OR1I1: variants seen among roughly 807,000 people sequenced by gnomAD.
OR1I1 encodes olfactory receptor 1I1.
For synonymous variants in OR1I1, 171 were observed against 181.4 expected (o/e 0.94, Z 0.46); for missense variants, 451 against 443.6 (o/e 1.02, Z -0.15).
chr19:15,085,151 T>C (rs1403302726), intron 1 of OR1I1, among the ~76,000 whole-genome samples: 1 of 42,744 alleles, frequency 2.3e-5, no homozygotes, highest in Non-Finnish European at 4.9e-5. Context: ...TATATATATA[T>C]ATATATATAT....
rs1393575488 is a variant in OR1I1 at position 15,088,184 on chromosome 19, T to C, written c.*51T>C. 1.3e-6 allele frequency: 2 copies of C among 1,488,798 alleles called. No individual in the cohort carries two copies. The highest frequency in any genetic ancestry group is 1.8e-6 in the Non-Finnish European group (2 of 1,115,102). The allele number at this position is 1,488,798 out of a possible 1,614,324, so 92.2% of individuals were successfully genotyped here. A position where few individuals can be genotyped will look rare whatever the true frequency, so the allele number is the denominator to read the frequency against. ...GTGTCATAAAGAGATGAACAAAGTG[T>C]ATGAGCACCCAAAGGAAAGGTGTGC... is the stretch of plus-strand genomic sequence containing the variant. On this transcript the variant is annotated 3_prime_UTR_variant, in exon 2 of 2. Transcript: ENST00000641398.
Position 15,088,095 on chromosome 19 carries a change from G to T in OR1I1, c.1030G>T (p.Gly344Ter). ...GATGCATCCCATCCCCTACCCTGGA[G>T]GAGTTCAGAGTCTAGCTGGGAACAG... ...TEMHPIPYPG[G>*]VQSLAGNRDM... Residue 344 changes from glycine to a stop codon, truncating the protein, a stop_gained, in exon 2 of 2, where the codon GGA becomes TGA. Coordinates refer to ENST00000641398, the MANE Select transcript of OR1I1 (RefSeq NM_001004713.2). LOFTEE classifies it high-confidence loss of function. The T allele has an allele frequency of 1.9e-6, 3 of 1,560,954 alleles. No homozygotes were observed. Among genetic ancestry groups the T allele is most frequent in the Non-Finnish European group, 2.6e-6 (3 of 1,147,158 alleles).
At position 15,088,149 on chromosome 19, in the gene OR1I1, C is replaced by T. The variant is rs551043979; in HGVS notation, c.*16C>T. The stretch of plus-strand genomic sequence containing the variant: ...CATGGAATAAATCCTTCCAGTACAA[C>T]GTGATAAATGTGTCATAAAGAGATG... On this transcript the variant is annotated 3_prime_UTR_variant, in exon 2 of 2. Transcript: ENST00000641398. 41 of 1,533,786 alleles carry T rather than the reference C, an allele frequency of 2.7e-5. No individual in the cohort carries two copies. The highest frequency in any genetic ancestry group is 9.6e-5 in the African/African-American group (7 of 72,686).
chr19:15,083,085 G>C (rs567331938), intron 1 of OR1I1, among the ~76,000 whole-genome samples: 2 of 152,012 alleles, frequency 1.3e-5, no homozygotes, highest in Non-Finnish European at 2.9e-5. Flanking sequence ...GGGACTAACA[G>C]GTGTGTGCCA....
Position 15,089,096 on chromosome 19 carries a change from ATAGG to A in OR1I1, c.*967_*970del, listed in dbSNP as rs2046246738. ...GGTAGGTAGATAGATAGATAGATAG[ATAGG>A]TAGATACAGACAGCCCATGTATTAG... On this transcript the variant is annotated 3_prime_UTR_variant, in exon 2 of 2. Transcript: ENST00000641398. 1 of 151,570 alleles carries A rather than the reference ATAGG, an allele frequency of 6.6e-6. No individual in the cohort carries two copies. Among genetic ancestry groups the A allele is most frequent in the Non-Finnish European group, 1.5e-5 (1 of 67,882 alleles). 9.4% of individuals were successfully genotyped at this position (151,570 alleles called of 1,614,324 possible). A position where few individuals can be genotyped will look rare whatever the true frequency, so the allele number is the denominator to read the frequency against.
At chr19:15,083,845 G>C (rs10419330) in intron 1 of OR1I1, among the ~76,000 whole-genome samples, 2 of 151,940 alleles carry the variant, frequency 1.3e-5, no homozygotes, top group Non-Finnish European at 2.9e-5. Flanking sequence ...AAAATTAATC[G>C]GGCGTGGTGA....
rs1255910590 is a variant in OR1I1, at chr19:15,087,119, A to G, written c.54A>G (p.Ser18=). 6.2e-7 allele frequency: 1 copy of G among 1,614,082 alleles called. No individual in the cohort carries two copies. Among genetic ancestry groups the G allele is most frequent in the Admixed American group, 1.7e-5 (1 of 59,996 alleles). ...EISEFFLQGL[S]EKPEHQTLLF... is the part of the protein sequence containing the mutation. ...CAGAATTCTTCCTCCAGGGACTCTC[A>G]GAAAAGCCAGAGCATCAGACCCTCC... is the stretch of plus-strand genomic sequence containing the variant. Residue 18 remains serine (S), a synonymous_variant, in exon 2 of 2, where the codon TCA becomes TCG. Transcript: ENST00000641398.
rs1568323046 is a variant in OR1I1, at chr19:15,088,802, T to TAGATAGACAGAC, written c.*676_*677insCAGACAGATAGA. On this transcript the variant is annotated 3_prime_UTR_variant, in exon 2 of 2. Transcript: ENST00000641398. ...ATAGATAGATAGATAGATAGATAGATAGATAGATAGATAGATAGATATACA... is the reference window on the plus strand; with the variant it reads ...ATAGATAGATAGATAGATAGATAGATAGATAGACAGACAGATAGATAGATAGATAGATATACA... The TAGATAGACAGAC allele has an allele frequency of 1.5e-5, 2 of 132,164 alleles. No homozygotes were observed. Among genetic ancestry groups the TAGATAGACAGAC allele is most frequent in the Admixed American group, 1.6e-4 (2 of 12,836 alleles). 8.2% of individuals were successfully genotyped at this position (132,164 alleles called of 1,614,324 possible).
In OR1I1 at chr19:15,091,241, G is replaced by C. The variant is rs1014343711; in HGVS notation, c.*3108G>C. ...TGTGGTTTTGCCACTGAAAGTAACAGCAGGCTGCGCATGGTGGCTCACACC... is the reference window on the plus strand; with the variant it reads ...TGTGGTTTTGCCACTGAAAGTAACACCAGGCTGCGCATGGTGGCTCACACC... On this transcript the variant is annotated 3_prime_UTR_variant, in exon 2 of 2. Coordinates refer to ENST00000641398, the MANE Select transcript of OR1I1 (RefSeq NM_001004713.2). 6.6e-6 allele frequency: 1 copy of C among 152,208 alleles called. No individual in the cohort carries two copies. Among genetic ancestry groups the C allele is most frequent in the African/African-American group, 2.4e-5 (1 of 41,448 alleles). The allele number at this position is 152,208 out of a possible 1,614,324, so 9.4% of individuals were successfully genotyped here. A position where few individuals can be genotyped will look rare whatever the true frequency, so the allele number is the denominator to read the frequency against.
At position 15,092,016 on chromosome 19, in the gene OR1I1, T is replaced by G. The variant is rs1367140053; in HGVS notation, c.*3883T>G. The stretch of plus-strand genomic sequence containing the variant: ...GAACCTTCCCAACCGCCCTAAAAGC[T>G]CTGAAAACTACAGTTAGAGAAGTGG... On this transcript the variant is annotated 3_prime_UTR_variant, in exon 2 of 2. Coordinates refer to ENST00000641398, the MANE Select transcript of OR1I1 (RefSeq NM_001004713.2). 6.8e-6 allele frequency: 1 copy of G among 146,754 alleles called. No individual in the cohort carries two copies. The highest frequency in any genetic ancestry group is 1.5e-5 in the Non-Finnish European group (1 of 67,228). The allele number at this position is 146,754 out of a possible 1,614,324, so 9.1% of individuals were successfully genotyped here. A position where few individuals can be genotyped will look rare whatever the true frequency, so the allele number is the denominator to read the frequency against.
At chr19:15,085,160 ATATATATATATATATATT>A (rs2046224603) in intron 1 of OR1I1, among the ~76,000 whole-genome samples, 1 of 35,840 alleles carries the variant, frequency 2.8e-5, no homozygotes, top group Non-Finnish European at 4.7e-5. Context: ...ATATATATAT[ATATATATATATATATATT>A]TTTTTTTTTG....
At position 15,085,157 on chromosome 19, in the gene OR1I1, TATATATATATATATA is replaced by T. The variant is rs1568321853; in HGVS notation, c.-13-1895_-13-1881del. ...ATATATATATATATATATATATATATATATATATATATATATATATTTTTTTTTTTGAGACAGAGT... is the reference window on the plus strand; with the variant it reads ...ATATATATATATATATATATATATATTATATTTTTTTTTTTGAGACAGAGT... On this transcript the variant is annotated intron_variant, in intron 1 of 1. Transcript: ENST00000641398. Among the ~76,000 whole-genome samples the T allele has an allele frequency of 1.8e-3, 74 of 41,196 alleles. 3 individuals carry two copies. The highest frequency in any genetic ancestry group is 4.6e-3 in the Admixed American group (18 of 3,918). The allele number at this position is 41,196 out of a possible 152,430, so 27.0% of individuals were successfully genotyped here.
chr19:15,085,149 TA>T (rs1568321814), intron 1 of OR1I1, among the ~76,000 whole-genome samples: 517 of 34,544 alleles, frequency 0.015, 45 homozygotes, highest in African/African-American at 0.056. Flanking sequence ...TATATATATA[TA>T]TATATATATA....
chr19:15,091,397 T>G lies in OR1I1; in HGVS notation c.*3264T>G, dbSNP rs372759251. On this transcript the variant is annotated 3_prime_UTR_variant, in exon 2 of 2. Coordinates refer to ENST00000641398, the MANE Select transcript of OR1I1 (RefSeq NM_001004713.2). ...AAATTAGGCCGGGCACAGTGGCTCA[T>G]GCCTGTAATCCCAGAACTTTGGGAG... 6.6e-6 allele frequency: 1 copy of G among 152,166 alleles called. No individual in the cohort carries two copies. The highest frequency in any genetic ancestry group is 1.5e-5 in the Non-Finnish European group (1 of 68,072). 9.4% of individuals were successfully genotyped at this position (152,166 alleles called of 1,614,324 possible).
In OR1I1 at chr19:15,087,530, GTC is replaced by G; in HGVS notation, c.470_471del (p.Leu157HisfsTer16). 1 of 1,614,142 alleles carries G rather than the reference GTC, an allele frequency of 6.2e-7. No homozygotes were observed. Among genetic ancestry groups the G allele is most frequent in the Non-Finnish European group, 8.5e-7 (1 of 1,180,036 alleles). On this transcript the variant is annotated frameshift_variant, in exon 2 of 2. Coordinates refer to ENST00000641398, the MANE Select transcript of OR1I1 (RefSeq NM_001004713.2). LOFTEE classifies it low-confidence loss of function (END_TRUNC). ...GASWMITNLQ[S>X]LIHTCLMAQL... ...CATCATGGATGATCACCAACCTCCA[GTC>G]TCTCATACACACCTGCCTCATGGCT... is the stretch of plus-strand genomic sequence containing the variant.
In OR1I1 at chr19:15,091,071, C is replaced by T. The variant is rs1372259001; in HGVS notation, c.*2938C>T. Reference sequence around the variant, plus strand: ...AGAAAAGGATGAAGGATTTAGATTGCATGGATTCACTTACTGGGTATCAGC... The same window carrying T: ...AGAAAAGGATGAAGGATTTAGATTGTATGGATTCACTTACTGGGTATCAGC... On this transcript the variant is annotated 3_prime_UTR_variant, in exon 2 of 2. Coordinates refer to ENST00000641398, the MANE Select transcript of OR1I1 (RefSeq NM_001004713.2). 6.6e-6 allele frequency: 1 copy of T among 152,208 alleles called. No homozygotes were observed. The highest frequency in any genetic ancestry group is 1.5e-5 in the Non-Finnish European group (1 of 68,044). The allele number at this position is 152,208 out of a possible 1,614,324, so 9.4% of individuals were successfully genotyped here.
intron 1 of OR1I1, among the ~76,000 whole-genome samples, chr19:15,085,771 G>A (rs1278913571): frequency 6.6e-6 from 1 of 151,792 alleles, no homozygotes; most frequent in Non-Finnish European, 1.5e-5. Flanking sequence ...ACATATAAGT[G>A]AGACCATGTG....
chr19:15,086,920 T>G, intron 1 of OR1I1, 133 bp from the exon 2 acceptor site: 1 of 1,393,092 alleles, frequency 7.2e-7, no homozygotes, highest in Non-Finnish European at 9.4e-7. Context: ...TGAGGTTAAC[T>G]GAACACAAAG....
chr19:15,082,406 G>A (rs2046213021), intron 1 of OR1I1, 130 bp downstream of exon 1: 1 of 152,206 alleles, frequency 6.6e-6, no homozygotes, highest in Non-Finnish European at 1.5e-5. Flanking sequence ...TGAGGGATGG[G>A]GAAAGGATTG....
Sources: allele counts gnomAD v4.1 joint callset (sites outside exome capture counted in the v4.1 genomes callset), GRCh38; gene constraint gnomAD v4.1.1; transcripts MANE v1.5; gene names NCBI Gene and HGNC (gene_info 2026-07-23, HGNC 2026-07-21).